The following TRIT1 variants were observed in gnomAD, a reference collection of about 807,000 sequenced individuals.
TRIT1 encodes the protein tRNA dimethylallyltransferase.
Under a neutral mutation model 51.2 loss-of-function variants are expected in TRIT1, and 43 were observed. The observed-to-expected ratio is 0.84, with a 90% CI of 0.66 to 1.08. TRIT1 has a LOEUF of 1.08. Among genes scored for constraint, TRIT1 ranks in the 50% least tolerant of loss-of-function variants. The pLI, the probability that TRIT1 is intolerant of heterozygous loss-of-function variation, is 0.00. For missense variants in TRIT1, 528 were observed against 578.4 expected, an observed-to-expected ratio of 0.91 and a Z score of 0.89; for synonymous variants, 184 against 203.9, an observed-to-expected ratio of 0.90 and a Z score of 0.83.
At chr1:39,855,819 T>C (rs746742545) in intron 2 of TRIT1, among the ~76,000 whole-genome samples, 3 of 152,164 alleles carry the variant, frequency 2.0e-5, no homozygotes, top group Non-Finnish European at 4.4e-5. Flanking sequence ...ATGACTGTGA[T>C]ATTGAGCAAA....
At chr1:39,860,598 T>C (rs1396391908) in intron 1 of TRIT1, among the ~76,000 whole-genome samples, 1 of 152,128 alleles carries the variant, frequency 6.6e-6, no homozygotes, top group Admixed American at 6.6e-5. Flanking sequence ...TACATTAAAG[T>C]ACAATAAATG....
chr1:39,849,012 T>A (rs912825210), intron 5 of TRIT1, among the ~76,000 whole-genome samples: 1 of 152,170 alleles, frequency 6.6e-6, no homozygotes, highest in African/African-American at 2.4e-5. Context: ...TTACCTTTTT[T>A]ATCAATTTAT....
At chr1:39,871,086 G>A (rs911962288) in intron 1 of TRIT1, among the ~76,000 whole-genome samples, 1 of 152,032 alleles carries the variant, frequency 6.6e-6, no homozygotes, top group East Asian at 1.9e-4. Context: ...TCAGCTATTC[G>A]GGAGGCTGAG....
intron 2 of TRIT1, 96 bp downstream of exon 2, chr1:39,857,181 C>G: frequency 1.4e-6 from 2 of 1,437,012 alleles, no homozygotes; most frequent in Non-Finnish European, 1.9e-6. Flanking sequence ...CTTGGGTGCC[C>G]CTTCTGAGAA....
intron 1 of TRIT1, among the ~76,000 whole-genome samples, chr1:39,859,857 T>G (rs1396209403): frequency 6.6e-6 from 1 of 152,206 alleles, no homozygotes; most frequent in East Asian, 1.9e-4. Context: ...AATGCATAGC[T>G]GCAAATGTAC....
intron 2 of TRIT1, among the ~76,000 whole-genome samples, chr1:39,856,044 T>C (rs61779838): frequency 0.09 from 13,693 of 152,078 alleles, 1,230 homozygotes; most frequent in East Asian, 0.29. Context: ...TGGTGGCTCA[T>C]GCCTGTTATC....
chr1:39,843,842 A>G (rs1161328753), intron 10 of TRIT1, among the ~76,000 whole-genome samples: 1 of 152,190 alleles, frequency 6.6e-6, no homozygotes, highest in African/African-American at 2.4e-5. Flanking sequence ...GAGCTCTAGA[A>G]AGTTAACTGC....
chr1:39,883,244 T>G (rs1644318411), intron 1 of TRIT1, 74 bp downstream of exon 1: 1 of 1,509,806 alleles, frequency 6.6e-7, no homozygotes, highest in African/African-American at 1.4e-5. Flanking sequence ...GGTTCACCCT[T>G]TAAGACCTTT....
intron 1 of TRIT1, among the ~76,000 whole-genome samples, chr1:39,872,780 C>CACACACACACACACACACAG (rs796230029): frequency 7.5e-4 from 80 of 106,150 alleles, no homozygotes; most frequent in African/African-American, 2.6e-3. Context: ...CACACACACA[C>CACACACACACACACACACAG]AGAGAGAGAG....
intron 5 of TRIT1, among the ~76,000 whole-genome samples, chr1:39,849,238 C>G (rs1235192559): frequency 6.6e-6 from 1 of 152,154 alleles, no homozygotes; most frequent in African/African-American, 2.4e-5. Flanking sequence ...ACTATTATCT[C>G]TATTTTACAG....
chr1:39,869,004 G>A (rs1369558869), intron 1 of TRIT1, among the ~76,000 whole-genome samples: 1 of 152,170 alleles, frequency 6.6e-6, no homozygotes, highest in Non-Finnish European at 1.5e-5. Flanking sequence ...AGGTTGCAGT[G>A]AGCCGAGATC....
chr1:39,878,037 A>G (rs1013954549), intron 1 of TRIT1, among the ~76,000 whole-genome samples: 10 of 152,224 alleles, frequency 6.6e-5, no homozygotes, highest in African/African-American at 2.4e-4. Context: ...AGAAATCCTC[A>G]GCAAAACCCA....
chr1:39,852,929 G>GT, intron 3 of TRIT1, 53 bp from the exon 4 acceptor site: 1 of 1,586,096 alleles, frequency 6.3e-7, no homozygotes, highest in Non-Finnish European at 8.6e-7. Context: ...CTGAGACAGT[G>GT]TATGTGCCAG....
chr1:39,850,060 G>A lies in TRIT1; in HGVS notation c.703+59C>T, dbSNP rs934286242. On this transcript the variant is annotated intron_variant, in intron 5 of 10. Coordinates refer to ENST00000316891, the MANE Select transcript of TRIT1 (RefSeq NM_017646.6). ...CATGGTTCTCAGCATTTTCTATACA[G>A]TAACTTATTACTCCAAGTTCCATCA... 1.5e-4 allele frequency: 240 copies of A among 1,586,848 alleles called. 1 individual carries two copies. In the African/African-American group the frequency reaches 3.0e-3, roughly 20 times the overall value.
At chr1:39,878,490 G>T (rs906072946) in intron 1 of TRIT1, among the ~76,000 whole-genome samples, 3 of 152,150 alleles carry the variant, frequency 2.0e-5, no homozygotes, top group Admixed American at 2.0e-4. Flanking sequence ...TATGAAGTAC[G>T]AGACAATTTA....
chr1:39,845,554 T>G (rs1247116134), intron 8 of TRIT1, among the ~76,000 whole-genome samples: 1 of 152,254 alleles, frequency 6.6e-6, no homozygotes, highest in Non-Finnish European at 1.5e-5. Flanking sequence ...GGGCTGCACC[T>G]GCTACCACAG....
At chr1:39,843,891 G>C (rs556493475) in intron 10 of TRIT1, among the ~76,000 whole-genome samples, 2 of 152,346 alleles carry the variant, frequency 1.3e-5, no homozygotes, top group South Asian at 4.1e-4. Context: ...AGCTGAAGAT[G>C]GAGAGCATCT....
chr1:39,860,939 G>A (rs1281721018), intron 1 of TRIT1, among the ~76,000 whole-genome samples: 6 of 152,122 alleles, frequency 3.9e-5, no homozygotes, highest in South Asian at 4.1e-4. Flanking sequence ...TCAGCCAGGC[G>A]TGGTGGCGCA....
intron 1 of TRIT1, among the ~76,000 whole-genome samples, chr1:39,859,216 A>G (rs1643080804): frequency 7.5e-6 from 1 of 133,418 alleles, no homozygotes; most frequent in South Asian, 2.6e-4. Flanking sequence ...AGATCACGCC[A>G]TTGCGTTCCA....
Sources: allele counts gnomAD v4.1 joint callset (sites outside exome capture counted in the v4.1 genomes callset), GRCh38; gene constraint gnomAD v4.1.1; transcripts MANE v1.5; gene names NCBI Gene and HGNC (gene_info 2026-07-23, HGNC 2026-07-21).